DIAPH2: variants seen among roughly 807,000 people sequenced by gnomAD.
DIAPH2 encodes diaphanous related formin 2.
Under a neutral mutation model 92.7 loss-of-function variants are expected in DIAPH2, and 35 were observed. That is an observed-to-expected ratio of 0.38 (90% confidence interval 0.29 to 0.50). DIAPH2 has a LOEUF of 0.50. Ranked by LOEUF, DIAPH2 falls within the 20% of genes least tolerant of loss-of-function variation. The pLI, the probability that DIAPH2 is intolerant of heterozygous loss-of-function variation, is 0.94. For missense variants in DIAPH2, 701 were observed against 819.5 expected, an observed-to-expected ratio of 0.86 and a Z score of 1.77; for synonymous variants, 301 against 280.4, an observed-to-expected ratio of 1.07 and a Z score of -0.73.
chrX:97,340,492 G>T (rs1222980977), intron 23 of DIAPH2, among the ~76,000 whole-genome samples: 3 of 110,890 alleles, frequency 2.7e-5, no homozygotes, highest in Non-Finnish European at 5.7e-5. Flanking sequence ...CATAGACAAG[G>T]TCCTGTTAAA....
intron 11 of DIAPH2, 116 bp from the exon 12 acceptor site, chrX:96,939,122 TGTTTAAATACTGGATCATAGAGTTGAAG>T (rs1479140955): frequency 2.8e-6 from 1 of 351,123 alleles, no homozygotes; most frequent in Non-Finnish European, 5.1e-6. Context: ...TTTATGCAGA[TGTTTAAATACTGGATCATAGAGTTGAAG>T]GTTTAAAAAC....
chrX:97,352,665 C>G (rs183195459), intron 24 of DIAPH2, among the ~76,000 whole-genome samples: 15 of 107,905 alleles, frequency 1.4e-4, no homozygotes, highest in East Asian at 2.9e-4. Flanking sequence ...GTCAGGAGAT[C>G]GAGACCATCC....
chrX:97,239,166 G>GT (rs2068071883), intron 22 of DIAPH2, among the ~76,000 whole-genome samples: 1 of 111,814 alleles, frequency 8.9e-6, no homozygotes, highest in South Asian at 3.7e-4. Context: ...CTGGAATACT[G>GT]TGATTTTTTT....
chrX:96,850,604 A>G (rs748871215), intron 4 of DIAPH2, among the ~76,000 whole-genome samples: 2 of 111,742 alleles, frequency 1.8e-5, no homozygotes, highest in South Asian at 3.8e-4. Context: ...CTCCTTTTTC[A>G]CTACTTCACT....
chrX:97,345,601 A>G (rs2069149799), intron 23 of DIAPH2, among the ~76,000 whole-genome samples: 1 of 112,114 alleles, frequency 8.9e-6, no homozygotes, highest in African/African-American at 3.2e-5. Flanking sequence ...TTAATACTCT[A>G]TAGTAGATCT....
At chrX:96,734,168 G>A (rs1348233997) in intron 1 of DIAPH2, among the ~76,000 whole-genome samples, 1 of 112,168 alleles carries the variant, frequency 8.9e-6, no homozygotes, top group African/African-American at 3.2e-5. Context: ...AAACATATGT[G>A]TACCTTAATT....
intron 12 of DIAPH2, among the ~76,000 whole-genome samples, chrX:96,940,037 T>A (rs2065694587): frequency 9.1e-6 from 1 of 109,740 alleles, no homozygotes; most frequent in Non-Finnish European, 1.9e-5. Context: ...AAAAATGGGG[T>A]ACTCCAGCGA....
intron 17 of DIAPH2, among the ~76,000 whole-genome samples, chrX:96,983,167 G>A (rs972692317): frequency 3.8e-4 from 42 of 111,247 alleles, no homozygotes; most frequent in Non-Finnish European, 9.4e-5. Context: ...CCTCTAATTA[G>A]TAGAGCATAA....
At chrX:96,930,203 A>G (rs2065610480) in intron 9 of DIAPH2, among the ~76,000 whole-genome samples, 1 of 111,098 alleles carries the variant, frequency 9.0e-6, no homozygotes, top group African/African-American at 3.3e-5. Flanking sequence ...TCTTAATTAT[A>G]TATTTTAATA....
At chrX:96,896,045 T>C (rs762980565) in intron 5 of DIAPH2, among the ~76,000 whole-genome samples, 2 of 112,042 alleles carry the variant, frequency 1.8e-5, no homozygotes, top group East Asian at 5.6e-4. Context: ...TACAGGTATA[T>C]ATCATTGACA....
chrX:96,797,475 TG>T (rs2064549336), intron 4 of DIAPH2, among the ~76,000 whole-genome samples: 1 of 111,534 alleles, frequency 9.0e-6, no homozygotes. Context: ...AGCAAGACTC[TG>T]TCTCAAAAGA....
intron 4 of DIAPH2, among the ~76,000 whole-genome samples, chrX:96,873,062 T>C (rs1429879338): frequency 8.9e-6 from 1 of 111,883 alleles, no homozygotes; most frequent in Non-Finnish European, 1.9e-5. Flanking sequence ...GGGTTCCCTT[T>C]TCTCCACATC....
intron 26 of DIAPH2, among the ~76,000 whole-genome samples, chrX:97,477,219 A>G (rs1480900627): frequency 1.9e-5 from 2 of 106,878 alleles, no homozygotes; most frequent in African/African-American, 6.8e-5. Context: ...AATCCCATCT[A>G]CTTGGGAGGC....
intron 25 of DIAPH2, among the ~76,000 whole-genome samples, chrX:97,401,611 C>T (rs1354686805): frequency 4.5e-5 from 5 of 111,849 alleles, no homozygotes; most frequent in African/African-American, 1.6e-4. Context: ...GCAGCTTCAG[C>T]ATAACCTGGG....
At chrX:96,799,971 A>G (rs1362584991) in intron 4 of DIAPH2, among the ~76,000 whole-genome samples, 1 of 111,085 alleles carries the variant, frequency 9.0e-6, no homozygotes, top group African/African-American at 3.3e-5. Flanking sequence ...TAATTCTTAT[A>G]TGTGTGAGAG....
At chrX:97,102,809 G>T (rs773513053) in intron 20 of DIAPH2, among the ~76,000 whole-genome samples, 1 of 111,247 alleles carries the variant, frequency 9.0e-6, no homozygotes, top group African/African-American at 3.3e-5. Flanking sequence ...GCATGGTGGC[G>T]CACGCCTGTA....
chrX:97,591,901 C>G lies in DIAPH2; in HGVS notation c.3242-7352C>G, dbSNP rs187968164. Among the ~76,000 whole-genome samples the G allele has an allele frequency of 3.6e-3, 409 of 112,081 alleles. 2 individuals carry two copies. The highest frequency in any genetic ancestry group is 0.012 in the African/African-American group (384 of 30,951). On this transcript the variant is annotated intron_variant, in intron 26 of 26. Coordinates refer to ENST00000324765, the MANE Select transcript of DIAPH2 (RefSeq NM_006729.5). ...AAGGACATTTAAAAAAATCTATTCA[C>G]TAGCTTTGACATTGAGTCCAAAGAT...
chrX:97,067,061 G>T (rs974527900), intron 17 of DIAPH2, among the ~76,000 whole-genome samples: 2 of 111,271 alleles, frequency 1.8e-5, no homozygotes, highest in Admixed American at 9.6e-5. Context: ...AGGCAACATG[G>T]AGAGGGGAAG....
chrX:97,150,626 A>G (rs1376872100), intron 22 of DIAPH2, among the ~76,000 whole-genome samples: 1 of 111,533 alleles, frequency 9.0e-6, no homozygotes, highest in Non-Finnish European at 1.9e-5. Context: ...CCACCACTCT[A>G]TAAAAAGCTT....
Sources: allele counts gnomAD v4.1 joint callset (sites outside exome capture counted in the v4.1 genomes callset), GRCh38; gene constraint gnomAD v4.1.1; transcripts MANE v1.5; gene names NCBI Gene and HGNC (gene_info 2026-07-23, HGNC 2026-07-21).